Variants in ARHGEF28 observed in about 807,000 individuals in gnomAD.
The protein encoded by ARHGEF28 is Rho guanine nucleotide exchange factor 28.
In ARHGEF28, 152 loss-of-function variants were observed where a neutral mutation model predicts 206.6. The observed-to-expected ratio is 0.74, with a 90% CI of 0.64 to 0.84. ARHGEF28 has a LOEUF of 0.84. ARHGEF28 is among the 40% of genes least tolerant of loss of function. ARHGEF28 has a pLI of 0.00. For missense variants in ARHGEF28, 2,028 were observed against 2,073.2 expected (o/e 0.98, Z 0.42); for synonymous variants, 763 against 776.4 (o/e 0.98, Z 0.29).
intron 1 of ARHGEF28, among the ~76,000 whole-genome samples, chr5:73,641,545 G>C (rs1744103666): frequency 6.6e-6 from 1 of 152,000 alleles, no homozygotes; most frequent in Non-Finnish European, 1.5e-5. Flanking sequence ...GGAGTCTTGA[G>C]TTTTTGTTGC....
chr5:73,919,846 CTT>C (rs1763423212), intron 35 of ARHGEF28, among the ~76,000 whole-genome samples: 1 of 152,172 alleles, frequency 6.6e-6, no homozygotes, highest in Non-Finnish European at 1.5e-5. Flanking sequence ...GAAAGCATCT[CTT>C]GTTAGCACTT....
At chr5:73,690,337 A>T (rs147082024) in intron 2 of ARHGEF28, among the ~76,000 whole-genome samples, 2 of 152,048 alleles carry the variant, frequency 1.3e-5, no homozygotes, top group African/African-American at 2.4e-5. Context: ...AATCAAGGAG[A>T]ATTATAAAAC....
At position 73,855,065 on chromosome 5, in the gene ARHGEF28, G is replaced by C. The variant is rs550444484; in HGVS notation, c.1790+2373G>C. Among the ~76,000 whole-genome samples the C allele has an allele frequency of 3.9e-5, 6 of 152,240 alleles. No homozygotes were observed. The East Asian group carries it at 1.2e-3, about 29-fold the overall frequency. On this transcript the variant is annotated intron_variant, in intron 14 of 35. Transcript: ENST00000513042. The stretch of plus-strand genomic sequence containing the variant: ...CTAATAATAGAGATTAGACGTTCTT[G>C]TTCTGGGATGTTAAAAATAACTTAA...
At chr5:73,879,918 C>T (rs1446852015) in intron 22 of ARHGEF28, among the ~76,000 whole-genome samples, 1 of 152,212 alleles carries the variant, frequency 6.6e-6, no homozygotes, top group African/African-American at 2.4e-5. Flanking sequence ...GTTCTCAGAT[C>T]TCCAGCTGTG....
intron 35 of ARHGEF28, among the ~76,000 whole-genome samples, chr5:73,935,882 A>G (rs1764391897): frequency 6.6e-6 from 1 of 152,188 alleles, no homozygotes; most frequent in Non-Finnish European, 1.5e-5. Context: ...ATGGAATGGG[A>G]TAAGACAGGG....
chr5:73,671,729 TATATATATA>T (rs1214473402), intron 1 of ARHGEF28, among the ~76,000 whole-genome samples: 7 of 8,470 alleles, frequency 8.3e-4, no homozygotes, highest in Non-Finnish European at 9.4e-4. Flanking sequence ...TATATATATA[TATATATATA>T]TTTTTTTTTT....
At chr5:73,825,734 A>G (rs1176373347) in intron 9 of ARHGEF28, among the ~76,000 whole-genome samples, 1 of 152,208 alleles carries the variant, frequency 6.6e-6, no homozygotes, top group Non-Finnish European at 1.5e-5. Context: ...TGTGAAAGAA[A>G]GAAAACAGTC....
At chr5:73,662,300 C>A (rs926410762) in intron 1 of ARHGEF28, among the ~76,000 whole-genome samples, 1 of 152,070 alleles carries the variant, frequency 6.6e-6, no homozygotes, top group African/African-American at 2.4e-5. Context: ...TATGGGAGAG[C>A]CATAGGAAAT....
chr5:73,784,549 G>T (rs901837772), intron 7 of ARHGEF28, among the ~76,000 whole-genome samples: 2 of 152,022 alleles, frequency 1.3e-5, no homozygotes, highest in Middle Eastern at 3.2e-3. Flanking sequence ...TCTGTCCTAG[G>T]ATTTCCTAAA....
intron 1 of ARHGEF28, among the ~76,000 whole-genome samples, chr5:73,643,952 A>T (rs1259683069): frequency 2.6e-5 from 4 of 152,314 alleles, no homozygotes; most frequent in African/African-American, 7.2e-5. Context: ...TGAGCATCAG[A>T]TGCACTAGGT....
chr5:73,882,033 A>T (rs532785598), intron 22 of ARHGEF28, among the ~76,000 whole-genome samples: 2 of 151,744 alleles, frequency 1.3e-5, no homozygotes, highest in Admixed American at 1.3e-4. Context: ...CAAATGGGTG[A>T]TTTTTTTGGG....
In ARHGEF28 at chr5:73,838,783, C is replaced by T. The variant is rs548299111; in HGVS notation, c.1147-1697C>T. On this transcript the variant is annotated intron_variant, in intron 10 of 35. Transcript: ENST00000513042. Reference sequence around the variant, plus strand: ...ACATGGATAGTTTCTTACGTAAGCACAGTACAGTTACCAAAATCATAAAAT... The same window carrying T: ...ACATGGATAGTTTCTTACGTAAGCATAGTACAGTTACCAAAATCATAAAAT... Among the ~76,000 whole-genome samples, 8 of 152,268 alleles carry T rather than the reference C, an allele frequency of 5.3e-5. No individual in the cohort carries two copies. In the South Asian group the frequency reaches 1.7e-3, roughly 32 times the overall value.
intron 1 of ARHGEF28, among the ~76,000 whole-genome samples, chr5:73,676,626 G>A (rs1031671177): frequency 1.4e-4 from 22 of 152,160 alleles, no homozygotes; most frequent in Admixed American, 9.8e-4. Flanking sequence ...GGAGGGGGAA[G>A]GTGCTCTTAT....
Position 73,911,341 on chromosome 5 carries a change from G to A in ARHGEF28, c.4714G>A (p.Val1572Ile). 6.2e-7 allele frequency: 1 copy of A among 1,612,680 alleles called. No individual in the cohort carries two copies. Among genetic ancestry groups the A allele is most frequent in the South Asian group, 1.1e-5 (1 of 90,642 alleles). ...CTCATTCTTCATCAATGAAGCTTTA[G>A]TACAAATGTCATTTAACACTTTCAA... ...ENSFFINEALVQMSFNTFNKL... is the reference protein window; with the variant it reads ...ENSFFINEALIQMSFNTFNKL... Residue 1572 changes from valine (V) to isoleucine (I), a missense_variant, in exon 35 of 36, where the codon GTA (valine) becomes ATA (isoleucine). Physicochemically the swap from Val to Ile is conservative, Grantham distance 29. Around this residue, in one of 3 missense-constraint regions of ARHGEF28, gnomAD observed 803 missense variants for 768.0 expected, o/e 1.05. Transcript: ENST00000513042.
At chr5:73,793,992 C>T (rs1754640865) in intron 7 of ARHGEF28, among the ~76,000 whole-genome samples, 2 of 152,096 alleles carry the variant, frequency 1.3e-5, no homozygotes, top group Non-Finnish European at 2.9e-5. Context: ...TCTTTTAAAA[C>T]ATATTGAAAT....
intron 13 of ARHGEF28, among the ~76,000 whole-genome samples, chr5:73,849,930 T>C (rs1758598019): frequency 6.6e-6 from 1 of 151,970 alleles, no homozygotes; most frequent in Admixed American, 6.6e-5. Flanking sequence ...AGAATATCTT[T>C]ATTGTCTATT....
intron 10 of ARHGEF28, among the ~76,000 whole-genome samples, chr5:73,837,016 C>T (rs752625365): frequency 6.6e-6 from 1 of 151,988 alleles, no homozygotes; most frequent in Non-Finnish European, 1.5e-5. Context: ...GTTCCATGTG[C>T]CCATGTGTCT....
At chr5:73,878,911 G>A (rs1050846454) in intron 22 of ARHGEF28, among the ~76,000 whole-genome samples, 19 of 152,058 alleles carry the variant, frequency 1.2e-4, no homozygotes, top group Middle Eastern at 3.4e-3. Context: ...TCTTGGAGTT[G>A]GTCTTCTCGA....
At chr5:73,682,332 A>G (rs1747159397) in intron 1 of ARHGEF28, among the ~76,000 whole-genome samples, 1 of 152,210 alleles carries the variant, frequency 6.6e-6, no homozygotes, top group Non-Finnish European at 1.5e-5. Flanking sequence ...GTTTTATAAA[A>G]AGTACCTCAA....
Sources: allele counts gnomAD v4.1 joint callset (sites outside exome capture counted in the v4.1 genomes callset), GRCh38; gene constraint gnomAD v4.1.1; regional missense constraint gnomAD v4.1.1; transcripts MANE v1.5; gene names NCBI Gene and HGNC (gene_info 2026-07-23, HGNC 2026-07-21).